RBMS2: variants seen among roughly 807,000 people sequenced by gnomAD.
RBMS2 encodes RNA-binding motif, single-stranded-interacting protein 2.
RBMS2 carries 38 observed loss-of-function variants against 58.4 expected under a neutral mutation model. The observed-to-expected ratio is 0.65, with a 90% CI of 0.50 to 0.85. The LOEUF (loss-of-function observed/expected upper bound fraction) is 0.85. Ranked by LOEUF, RBMS2 falls within the 40% of genes least tolerant of loss-of-function variation. The pLI is 0.00. For synonymous variants in RBMS2, 151 were observed against 180.7 expected (o/e 0.84, Z 1.32); for missense variants, 367 against 503.7 (o/e 0.73, Z 2.60).
chr12:56,562,556 A>T lies in RBMS2; in HGVS notation c.206A>T (p.Asp69Val), dbSNP rs1020536701. 1 of 1,613,698 alleles carries T rather than the reference A, an allele frequency of 6.2e-7. No homozygotes were observed. Among genetic ancestry groups the T allele is most frequent in the Non-Finnish European group, 8.5e-7 (1 of 1,179,578 alleles). ...YIRGLQPGTTDQDLVKLCQPY... is the reference protein window; with the variant it reads ...YIRGLQPGTTVQDLVKLCQPY... Reference sequence around the variant, plus strand: ...CGAGGATTGCAACCAGGCACTACTGACCAAGATCTTGTCAAGCTGTGTCAG... The same window carrying T: ...CGAGGATTGCAACCAGGCACTACTGTCCAAGATCTTGTCAAGCTGTGTCAG... The change falls in exon 2 of 14, where the codon GAC (aspartate) becomes GTC (valine). Residue 69 changes from aspartate (D) to valine (V), a missense_variant. Physicochemically the swap from Asp to Val is radical, Grantham distance 152. Transcript: ENST00000262031.
At chr12:56,580,118 A>T (rs1883718644) in intron 5 of RBMS2, among the ~76,000 whole-genome samples, 1 of 151,024 alleles carries the variant, frequency 6.6e-6, no homozygotes, top group Non-Finnish European at 1.5e-5. Flanking sequence ...TTTTTAGTAG[A>T]GACGGGGTTT....
chr12:56,573,520 A>T (rs901202555), intron 5 of RBMS2, among the ~76,000 whole-genome samples: 1 of 150,544 alleles, frequency 6.6e-6, no homozygotes, highest in African/African-American at 2.4e-5. Flanking sequence ...AAGAAAAGAA[A>T]TAGTTCCTCT....
chr12:56,573,835 T>TTTGTTG (rs376072493), intron 5 of RBMS2, among the ~76,000 whole-genome samples: 284 of 151,848 alleles, frequency 1.9e-3, no homozygotes, highest in African/African-American at 6.6e-3. Context: ...TTTTTGTATT[T>TTTGTTG]TTGTTGTTGT....
At chr12:56,577,691 T>C (rs1376976671) in intron 5 of RBMS2, among the ~76,000 whole-genome samples, 2 of 150,946 alleles carry the variant, frequency 1.3e-5, no homozygotes, top group Non-Finnish European at 3.0e-5. Flanking sequence ...ATTTTTTAAT[T>C]TTTTTTTTGG....
rs1885566694 is a variant in RBMS2, at chr12:56,594,579, T to C, written c.*5446T>C. On this transcript the variant is annotated 3_prime_UTR_variant, in exon 14 of 14. Coordinates refer to ENST00000262031, the MANE Select transcript of RBMS2 (RefSeq NM_002898.4). ...CCCACGCATTAGCAAATTCCTGAAA[T>C]TTCCTCATTTGGTAGGCCTTCCATA... The C allele has an allele frequency of 6.6e-6, 1 of 152,202 alleles. No individual in the cohort carries two copies. Among genetic ancestry groups the C allele is most frequent in the Admixed American group, 6.5e-5 (1 of 15,280 alleles). 9.4% of individuals were successfully genotyped at this position (152,202 alleles called of 1,614,324 possible). A position where few individuals can be genotyped will look rare whatever the true frequency, so the allele number is the denominator to read the frequency against.
intron 5 of RBMS2, among the ~76,000 whole-genome samples, chr12:56,572,288 C>CAAAA (rs34385329): frequency 1.4e-5 from 1 of 73,080 alleles, no homozygotes; most frequent in Non-Finnish European, 3.0e-5. Flanking sequence ...GACTCTGTCT[C>CAAAA]AAAAAAAAAA....
intron 2 of RBMS2, among the ~76,000 whole-genome samples, chr12:56,568,142 T>C (rs926434374): frequency 2.0e-5 from 3 of 152,184 alleles, no homozygotes; most frequent in African/African-American, 7.2e-5. Context: ...AGAACCAGGA[T>C]TTGAACCAAA....
In RBMS2 at chr12:56,582,193, C is replaced by T. The variant is rs76592923; in HGVS notation, c.873+41C>T. The stretch of plus-strand genomic sequence containing the variant: ...AAAAATGGTGTGGTGGTTTTCCCTA[C>T]TACTGTGCTTTAAGTGAAGTAATAT... On this transcript the variant is annotated intron_variant, in intron 9 of 13. Coordinates refer to ENST00000262031, the MANE Select transcript of RBMS2 (RefSeq NM_002898.4). 6.3e-3 allele frequency: 9,531 copies of T among 1,508,484 alleles called. 47 individuals are homozygous for T. Among genetic ancestry groups the T allele is most frequent in the Middle Eastern group, 7.9e-3 (46 of 5,796 alleles). The allele number at this position is 1,508,484 out of a possible 1,614,324, so 93.4% of individuals were successfully genotyped here.
intron 9 of RBMS2, among the ~76,000 whole-genome samples, chr12:56,584,612 C>T (rs987377941): frequency 2.6e-5 from 4 of 151,700 alleles, no homozygotes; most frequent in East Asian, 3.9e-4. Context: ...AGTGAAACGC[C>T]GTCTCTACTA....
chr12:56,570,126 T>C (rs1485045864), intron 4 of RBMS2, 136 bp downstream of exon 4: 8 of 701,060 alleles, frequency 1.1e-5, no homozygotes, highest in Non-Finnish European at 1.9e-5. Context: ...TTCTAGACAG[T>C]CCATGAGCAC....
chr12:56,531,970 C>T lies in RBMS2; in HGVS notation c.66+9881C>T, dbSNP rs548594017. On this transcript the variant is annotated intron_variant, in intron 1 of 13. Transcript: ENST00000262031. ...CACTGTGGCTCAACGCTTGTAATTC[C>T]AGCACTTTGGGAGGCCGAGGTGGGC... Among the ~76,000 whole-genome samples the T allele has an allele frequency of 9.5e-4, 145 of 151,954 alleles. 2 individuals carry two copies. The South Asian group carries it at 0.029, about 31-fold the overall frequency.
chr12:56,565,430 A>G (rs1190501063), intron 2 of RBMS2, among the ~76,000 whole-genome samples: 1 of 151,846 alleles, frequency 6.6e-6, no homozygotes, highest in Non-Finnish European at 1.5e-5. Context: ...TATATTTTCA[A>G]TCCATGGCTG....
chr12:56,575,603 C>T (rs1264334171), intron 5 of RBMS2, among the ~76,000 whole-genome samples: 1 of 150,108 alleles, frequency 6.7e-6, no homozygotes, highest in East Asian at 2.0e-4. Context: ...AAATTAAATA[C>T]AGTAGTCTCG....
At chr12:56,573,476 C>CAAAAAAAAAAAAA (rs71081382) in intron 5 of RBMS2, among the ~76,000 whole-genome samples, 2 of 59,680 alleles carry the variant, frequency 3.4e-5, no homozygotes, top group African/African-American at 6.9e-5. Context: ...GACGCCATCT[C>CAAAAAAAAAAAAA]AAAAAAAAAA....
At chr12:56,529,575 C>T (rs748326839) in intron 1 of RBMS2, among the ~76,000 whole-genome samples, 3 of 149,072 alleles carry the variant, frequency 2.0e-5, no homozygotes, top group Non-Finnish European at 4.4e-5. Flanking sequence ...ACAACAACAA[C>T]AATAACAACA....
intron 1 of RBMS2, among the ~76,000 whole-genome samples, chr12:56,545,774 T>C (rs1877053592): frequency 6.6e-6 from 1 of 152,194 alleles, no homozygotes; most frequent in Non-Finnish European, 1.5e-5. Flanking sequence ...TTCCCTTTTA[T>C]GGCTGAATAA....
intron 1 of RBMS2, among the ~76,000 whole-genome samples, chr12:56,550,608 G>A (rs1057150898): frequency 2.0e-5 from 3 of 151,876 alleles, no homozygotes; most frequent in African/African-American, 7.3e-5. Context: ...TTGAGAGGCC[G>A]AGGTGGGTGG....
intron 1 of RBMS2, chr12:56,539,796 A>G: frequency 2.5e-6 from 1 of 400,684 alleles, no homozygotes; most frequent in South Asian, 1.8e-5. Context: ...CAGCCTCCTG[A>G]GCATACCAGT....
At chr12:56,587,881 C>T (rs546944718) in intron 11 of RBMS2, among the ~76,000 whole-genome samples, 2 of 152,220 alleles carry the variant, frequency 1.3e-5, no homozygotes, top group Admixed American at 1.3e-4. Context: ...GATTCCTACT[C>T]ATGCACCTTG....
Sources: allele counts gnomAD v4.1 joint callset (sites outside exome capture counted in the v4.1 genomes callset), GRCh38; gene constraint gnomAD v4.1.1; transcripts MANE v1.5; gene names NCBI Gene and HGNC (gene_info 2026-07-23, HGNC 2026-07-21).